GUCY1A2: variants seen among roughly 807,000 people sequenced by gnomAD.
GUCY1A2 encodes the protein guanylate cyclase soluble subunit alpha-2.
In GUCY1A2, 27 loss-of-function variants were observed where a neutral mutation model predicts 63.5. The observed-to-expected ratio is 0.43, with a 90% CI of 0.31 to 0.59. The LOEUF (loss-of-function observed/expected upper bound fraction) is 0.59, where lower values mean the gene tolerates loss of function less well. GUCY1A2 is among the 20% of genes least tolerant of loss of function. The pLI is 0.11. For missense variants in GUCY1A2, 768 were observed against 913.3 expected, an observed-to-expected ratio of 0.84 and a Z score of 2.05; for synonymous variants, 364 against 343.5, an observed-to-expected ratio of 1.06 and a Z score of -0.66.
intron 4 of GUCY1A2, among the ~76,000 whole-genome samples, chr11:106,864,378 A>G (rs1273733394): frequency 1.3e-5 from 2 of 152,054 alleles, no homozygotes; most frequent in Non-Finnish European, 2.9e-5. Context: ...AGACAATTTG[A>G]CTTCCTCTCT....
intron 4 of GUCY1A2, among the ~76,000 whole-genome samples, chr11:106,868,418 C>CA (rs1322772811): frequency 6.6e-6 from 1 of 152,056 alleles, no homozygotes; most frequent in African/African-American, 2.4e-5. Context: ...TCTCAGGATA[C>CA]AAAATCAATG....
chr11:106,956,820 A>ATGT (rs1860991352), intron 3 of GUCY1A2, among the ~76,000 whole-genome samples: 1 of 152,102 alleles, frequency 6.6e-6, no homozygotes, highest in Non-Finnish European at 1.5e-5. Context: ...TGGAGAGGGT[A>ATGT]TGTTTCACTA....
intron 5 of GUCY1A2, among the ~76,000 whole-genome samples, chr11:106,780,878 C>A (rs1277200108): frequency 1.3e-5 from 2 of 152,064 alleles, no homozygotes; most frequent in East Asian, 3.9e-4. Flanking sequence ...CTTAATGCAG[C>A]TTTCCAGGAA....
At chr11:106,754,816 C>T (rs1405207425) in intron 6 of GUCY1A2, among the ~76,000 whole-genome samples, 1 of 152,116 alleles carries the variant, frequency 6.6e-6, no homozygotes, top group African/African-American at 2.4e-5. Context: ...CTAACATTCT[C>T]TTTTTTTGTT....
At chr11:106,710,109 A>G (rs1863078008) in intron 6 of GUCY1A2, among the ~76,000 whole-genome samples, 2 of 117,294 alleles carry the variant, frequency 1.7e-5, no homozygotes, top group African/African-American at 6.9e-5. Flanking sequence ...TATATATTAT[A>G]TACATGTATA....
chr11:106,830,014 G>A (rs556910197), intron 4 of GUCY1A2, among the ~76,000 whole-genome samples: 1 of 152,268 alleles, frequency 6.6e-6, no homozygotes, highest in South Asian at 2.1e-4. Context: ...TACCAGCTAC[G>A]ACCATATGAC....
chr11:106,937,068 ATG>A (rs1335286364), intron 4 of GUCY1A2, among the ~76,000 whole-genome samples: 2 of 152,220 alleles, frequency 1.3e-5, no homozygotes, highest in Non-Finnish European at 1.5e-5. Flanking sequence ...GTAAGACTGT[ATG>A]TGACAACTTT....
chr11:106,955,673 G>C (rs1353233292), intron 3 of GUCY1A2, among the ~76,000 whole-genome samples: 1 of 152,172 alleles, frequency 6.6e-6, no homozygotes. Flanking sequence ...TCCACTGTTA[G>C]TCTGATGGAC....
chr11:106,959,343 C>A (rs1471044), intron 3 of GUCY1A2, among the ~76,000 whole-genome samples: 138,083 of 152,274 alleles, frequency 0.91, 62,697 homozygotes, highest in East Asian at 1. Flanking sequence ...GCTCTCATGG[C>A]TTCTCTTTTC....
chr11:106,881,601 G>A (rs923220062), intron 4 of GUCY1A2, among the ~76,000 whole-genome samples: 1 of 151,846 alleles, frequency 6.6e-6, no homozygotes, highest in Non-Finnish European at 1.5e-5. Flanking sequence ...CCAATTTACC[G>A]ACTGTCCACC....
At chr11:106,972,852 G>A (rs1861213509) in intron 3 of GUCY1A2, among the ~76,000 whole-genome samples, 1 of 152,066 alleles carries the variant, frequency 6.6e-6, no homozygotes, top group Non-Finnish European at 1.5e-5. Context: ...AGCTCTCTGT[G>A]AAAGACATGG....
Position 106,680,199 on chromosome 11 carries a change from T to C in GUCY1A2, c.*7350A>G, listed in dbSNP as rs1862409640. ...GCTGTGTAAATGCCAGGCAGCAGAA[T>C]GCAAAGAAGTGTCTTCAGAAAGTGA... On this transcript the variant is annotated 3_prime_UTR_variant, in exon 8 of 8. Coordinates refer to ENST00000526355, the MANE Select transcript of GUCY1A2 (RefSeq NM_000855.3). The C allele has an allele frequency of 4.7e-6, 1 of 213,268 alleles. No homozygotes were observed. 13.2% of individuals were successfully genotyped at this position (213,268 alleles called of 1,614,324 possible). A position where few individuals can be genotyped will look rare whatever the true frequency, so the allele number is the denominator to read the frequency against.
At chr11:106,714,291 T>TAAAC in intron 6 of GUCY1A2, among the ~76,000 whole-genome samples, 1 of 152,014 alleles carries the variant, frequency 6.6e-6, no homozygotes, top group South Asian at 2.1e-4. Flanking sequence ...AACAACCACA[T>TAAAC]AAACAGCACT....
intron 4 of GUCY1A2, among the ~76,000 whole-genome samples, chr11:106,904,582 C>A (rs537610948): frequency 6.6e-6 from 1 of 152,066 alleles, no homozygotes; most frequent in East Asian, 1.9e-4. Context: ...CTTTTTAAAG[C>A]TTTTTTTAAT....
In GUCY1A2 at chr11:106,809,927, C is replaced by A. The variant is rs1032508157; in HGVS notation, c.1692+66G>T. On this transcript the variant is annotated intron_variant, in intron 5 of 7. Transcript: ENST00000526355. ...TAGTATCAAGTTTAAGTAAAAAAAT[C>A]AATTTAATTCACATGACAATTTACT... 4 of 1,078,132 alleles carry A rather than the reference C, an allele frequency of 3.7e-6. No homozygotes were observed. The African/African-American group carries it at 4.8e-5, about 13-fold the overall frequency. The allele number at this position is 1,078,132 out of a possible 1,614,324, so 66.8% of individuals were successfully genotyped here.
intron 6 of GUCY1A2, among the ~76,000 whole-genome samples, chr11:106,711,710 T>A (rs897487371): frequency 2.6e-5 from 4 of 152,152 alleles, no homozygotes; most frequent in African/African-American, 9.7e-5. Context: ...TCTTAAATAT[T>A]TCTTATACTG....
intron 6 of GUCY1A2, among the ~76,000 whole-genome samples, chr11:106,732,744 A>G (rs941202840): frequency 6.6e-6 from 1 of 152,200 alleles, no homozygotes; most frequent in African/African-American, 2.4e-5. Context: ...ACAGAAATTA[A>G]GGAATGAAAT....
At position 106,677,952 on chromosome 11, in the gene GUCY1A2, A is replaced by C. The variant is rs1862373171; in HGVS notation, c.*9597T>G. On this transcript the variant is annotated 3_prime_UTR_variant, in exon 8 of 8. Transcript: ENST00000526355. The stretch of plus-strand genomic sequence containing the variant: ...GAATAAAATTGTTTTTAAGGATCAA[A>C]TGAAAAAGCAATGAGCACCTATTAT... 5.0e-6 allele frequency: 1 copy of C among 201,536 alleles called. No homozygotes were observed. The highest frequency in any genetic ancestry group is 1.0e-5 in the Non-Finnish European group (1 of 97,894). 12.5% of individuals were successfully genotyped at this position (201,536 alleles called of 1,614,324 possible).
chr11:107,013,008 T>A (rs1444102635), intron 1 of GUCY1A2, among the ~76,000 whole-genome samples: 1 of 152,182 alleles, frequency 6.6e-6, no homozygotes, highest in African/African-American at 2.4e-5. Context: ...CTAAAGTATT[T>A]TATGCCTTTT....
Sources: gnomAD v4.1 joint callset for allele counts (sites outside exome capture counted in the v4.1 genomes callset) on GRCh38, gnomAD v4.1.1 for gene constraint, MANE v1.5 for transcripts, NCBI Gene and HGNC (gene_info 2026-07-23, HGNC 2026-07-21) for gene names.